MEGF9: variants seen among roughly 807,000 people sequenced by gnomAD.
MEGF9 encodes the protein multiple EGF like domains 9.
In MEGF9, 6 loss-of-function variants were observed where a neutral mutation model predicts 46.8. That is an observed-to-expected ratio of 0.13 (90% CI 0.07 to 0.25). The LOEUF is 0.25. Ranked by LOEUF, MEGF9 falls within the 10% of genes least tolerant of loss-of-function variation. The pLI, the probability that MEGF9 is intolerant of heterozygous loss-of-function variation, is 1.00. For missense variants in MEGF9, 683 were observed against 792.4 expected (o/e 0.86, Z 1.66); for synonymous variants, 302 against 330.7 (o/e 0.91, Z 0.94).
At chr9:120,694,600 A>G (rs2043866447) in intron 1 of MEGF9, among the ~76,000 whole-genome samples, 1 of 152,208 alleles carries the variant, frequency 6.6e-6, no homozygotes, top group South Asian at 2.1e-4. Context: ...ACATAAGTAC[A>G]AGACAGTTTG....
At chr9:120,608,177 G>C (rs572527868) in intron 4 of MEGF9, among the ~76,000 whole-genome samples, 167 bp from the exon 5 acceptor site, 5 of 152,206 alleles carry the variant, frequency 3.3e-5, no homozygotes, top group South Asian at 4.2e-4. Flanking sequence ...AACATGATGA[G>C]ACCCTGTTTC....
chr9:120,651,902 C>T (rs954641426), intron 2 of MEGF9, among the ~76,000 whole-genome samples: 1 of 151,616 alleles, frequency 6.6e-6, no homozygotes, highest in Non-Finnish European at 1.5e-5. Flanking sequence ...CCACCCACCT[C>T]GGCCTCCCAA....
intron 4 of MEGF9, 32 bp from the exon 5 acceptor site, chr9:120,608,042 C>T (rs768262101): frequency 1.2e-5 from 20 of 1,601,002 alleles, no homozygotes; most frequent in Non-Finnish European, 1.7e-5. Context: ...TAGTTTAGTA[C>T]AGTCTGAAGC....
chr9:120,654,560 T>C lies in MEGF9; in HGVS notation c.803+4814A>G, dbSNP rs533215994. On this transcript the variant is annotated intron_variant, in intron 2 of 5. Coordinates refer to ENST00000373930, the MANE Select transcript of MEGF9 (RefSeq NM_001080497.3). ...GCCAATCATATAAAAGTATAGCATG[T>C]ACAATTATACACAGTACATAATACT... 2.0e-5 allele frequency among the ~76,000 whole-genome samples: 3 copies of C among 152,362 alleles called. No individual in the cohort carries two copies. The South Asian group carries it at 6.2e-4, about 32-fold the overall frequency.
At chr9:120,673,368 A>C (rs940463190) in intron 1 of MEGF9, among the ~76,000 whole-genome samples, 1 of 152,182 alleles carries the variant, frequency 6.6e-6, no homozygotes, top group Non-Finnish European at 1.5e-5. Context: ...AAACCTCAAT[A>C]GCCAAATAAC....
chr9:120,688,405 G>A (rs1345172672), intron 1 of MEGF9, among the ~76,000 whole-genome samples: 1 of 151,852 alleles, frequency 6.6e-6, no homozygotes, highest in African/African-American at 2.4e-5. Context: ...AAAATCAAGT[G>A]AAAAAGAAAA....
intron 4 of MEGF9, among the ~76,000 whole-genome samples, chr9:120,611,860 G>GAAGA (rs1564411680): frequency 2.1e-5 from 1 of 46,550 alleles, no homozygotes; most frequent in Admixed American, 2.6e-4. Flanking sequence ...AGGAAGGAAG[G>GAAGA]AAGAAAGAGA....
In MEGF9 at chr9:120,713,991, G is replaced by C; in HGVS notation, c.368C>G (p.Ser123Trp). The C allele has an allele frequency of 7.2e-7, 1 of 1,388,566 alleles. No homozygotes were observed. The allele number at this position is 1,388,566 out of a possible 1,614,324, so 86.0% of individuals were successfully genotyped here. A position where few individuals can be genotyped will look rare whatever the true frequency, so the allele number is the denominator to read the frequency against. ...STTFQAPLGP[S>W]PTTPPAAERT... ...TTCCGCCGCCGGAGGGGTGGTCGGC[G>C]AGGGGCCGAGCGGCGCCTGAAAGGT... Residue 123 changes from serine (S) to tryptophan (W), a missense_variant, in exon 1 of 6, where the codon TCG becomes TGG. By Grantham distance (177) the Ser-to-Trp change is radical. This residue lies in a region of MEGF9 where 370 missense variants were observed against 371.3 expected (regional missense o/e 1.00). Coordinates refer to ENST00000373930, the MANE Select transcript of MEGF9 (RefSeq NM_001080497.3).
intron 1 of MEGF9, among the ~76,000 whole-genome samples, chr9:120,661,338 A>C (rs1293116651): frequency 6.6e-6 from 1 of 152,190 alleles, no homozygotes; most frequent in Non-Finnish European, 1.5e-5. Flanking sequence ...ACATAGTGAA[A>C]CCACGTCTCT....
chr9:120,603,265 T>C lies in MEGF9; in HGVS notation c.*1925A>G, dbSNP rs1243780938. On this transcript the variant is annotated 3_prime_UTR_variant, in exon 6 of 6. Coordinates refer to ENST00000373930, the MANE Select transcript of MEGF9 (RefSeq NM_001080497.3). ...CAACAATTACTTCCTCAGGGGGCTA[T>C]GGTGTGGAAGAGAGGACACACATAT... 6.6e-6 allele frequency: 1 copy of C among 152,194 alleles called. No homozygotes were observed. Among genetic ancestry groups the C allele is most frequent in the Non-Finnish European group, 1.5e-5 (1 of 68,056 alleles). 9.4% of individuals were successfully genotyped at this position (152,194 alleles called of 1,614,324 possible). A position where few individuals can be genotyped will look rare whatever the true frequency, so the allele number is the denominator to read the frequency against.
At chr9:120,659,774 AGTGTGTGTGTGACAGT>A (rs1344073264) in intron 1 of MEGF9, among the ~76,000 whole-genome samples, 199 bp from the exon 2 acceptor site, 1 of 143,096 alleles carries the variant, frequency 7.0e-6, no homozygotes. Flanking sequence ...TAAATTATGT[AGTGTGTGTGTGACAGT>A]GTGTGTGTGT....
chr9:120,669,078 A>G (rs376937360), intron 1 of MEGF9, among the ~76,000 whole-genome samples: 1 of 152,170 alleles, frequency 6.6e-6, no homozygotes, highest in African/African-American at 2.4e-5. Context: ...TAAAGGTCAA[A>G]TTATATATGG....
At chr9:120,628,485 T>TG (rs2043536721) in intron 2 of MEGF9, among the ~76,000 whole-genome samples, 1 of 144,320 alleles carries the variant, frequency 6.9e-6, no homozygotes, top group Non-Finnish European at 1.5e-5. Flanking sequence ...TTTTTTTTTT[T>TG]TTTTTTTTTT....
At chr9:120,692,629 A>G (rs1587997810) in intron 1 of MEGF9, among the ~76,000 whole-genome samples, 1 of 152,156 alleles carries the variant, frequency 6.6e-6, no homozygotes, top group East Asian at 1.9e-4. Flanking sequence ...ACAACTTTGG[A>G]CCATCCCAGC....
intron 2 of MEGF9, among the ~76,000 whole-genome samples, chr9:120,649,435 A>G (rs2043639680): frequency 6.6e-6 from 1 of 152,156 alleles, no homozygotes; most frequent in African/African-American, 2.4e-5. Flanking sequence ...AAAGATGTGC[A>G]TGTCAGGCTA....
chr9:120,696,437 C>T (rs1387786910), intron 1 of MEGF9, among the ~76,000 whole-genome samples: 2 of 152,108 alleles, frequency 1.3e-5, no homozygotes, highest in Non-Finnish European at 2.9e-5. Flanking sequence ...CTCTCAAAAC[C>T]TCAATTCCTG....
intron 2 of MEGF9, among the ~76,000 whole-genome samples, chr9:120,635,378 T>G (rs2043569567): frequency 6.6e-6 from 1 of 152,210 alleles, no homozygotes; most frequent in Non-Finnish European, 1.5e-5. Flanking sequence ...CTTGGGAATT[T>G]TTTAGCTATT....
intron 1 of MEGF9, among the ~76,000 whole-genome samples, chr9:120,708,124 G>A (rs1197741580): frequency 6.6e-6 from 1 of 152,140 alleles, no homozygotes; most frequent in African/African-American, 2.4e-5. Flanking sequence ...TTGGGAGGCC[G>A]AGGTGGGCGG....
At chr9:120,673,087 T>C (rs916199134) in intron 1 of MEGF9, among the ~76,000 whole-genome samples, 2 of 152,224 alleles carry the variant, frequency 1.3e-5, no homozygotes, top group Admixed American at 6.5e-5. Flanking sequence ...TGTATTTCTA[T>C]GTGTTATGAA....
Sources: gnomAD v4.1 joint callset for allele counts (sites outside exome capture counted in the v4.1 genomes callset) on GRCh38, gnomAD v4.1.1 for gene constraint, gnomAD v4.1.1 regional missense constraint, MANE v1.5 for transcripts, NCBI Gene and HGNC (gene_info 2026-07-23, HGNC 2026-07-21) for gene names.